Variants in PAM observed in about 807,000 individuals in gnomAD.
PAM encodes peptidyl-glycine alpha-amidating monooxygenase.
Under a neutral mutation model 122.1 loss-of-function variants are expected in PAM, and 72 were observed. The ratio of observed to expected loss-of-function variants is 0.59; its 90% CI spans 0.49 to 0.72. The LOEUF (loss-of-function observed/expected upper bound fraction) is 0.72. Ranked by LOEUF, PAM falls within the 30% of genes least tolerant of loss-of-function variation. The pLI is 0.00. For missense variants in PAM, 1,106 were observed against 1,183.7 expected, an observed-to-expected ratio of 0.93 and a Z score of 0.96; for synonymous variants, 389 against 404.4, an observed-to-expected ratio of 0.96 and a Z score of 0.46.
At chr5:102,929,411 AAC>A (rs1389141911) in intron 7 of PAM, among the ~76,000 whole-genome samples, 9 of 152,344 alleles carry the variant, frequency 5.9e-5, no homozygotes, top group East Asian at 3.9e-4. Flanking sequence ...TATATAAACA[AAC>A]ACACAATTAT....
intron 1 of PAM, among the ~76,000 whole-genome samples, chr5:102,774,254 G>C (rs1363677697): frequency 6.6e-6 from 1 of 152,054 alleles, no homozygotes; most frequent in Non-Finnish European, 1.5e-5. Context: ...GGATCAAATG[G>C]TAGTTCTGCT....
intron 6 of PAM, among the ~76,000 whole-genome samples, chr5:102,925,492 G>C (rs1749109462): frequency 6.6e-6 from 1 of 152,166 alleles, no homozygotes; most frequent in Admixed American, 6.5e-5. Flanking sequence ...TTCAATGTGT[G>C]AGTGTACTAC....
At chr5:102,779,880 C>CATATATATAT (rs1561422931) in intron 1 of PAM, among the ~76,000 whole-genome samples, 1 of 69,312 alleles carries the variant, frequency 1.4e-5, no homozygotes, top group African/African-American at 7.2e-5. Flanking sequence ...AATAAACTCC[C>CATATATATAT]ATATACATAT....
chr5:103,012,000 C>T (rs1288200604), intron 21 of PAM, among the ~76,000 whole-genome samples: 7 of 152,152 alleles, frequency 4.6e-5, no homozygotes, highest in Admixed American at 2.6e-4. Context: ...ATTTGCATTT[C>T]TCTGATGATC....
At chr5:103,031,042 T>G (rs1318864075), downstream of PAM, 1 of 152,184 alleles carries the variant, frequency 6.6e-6, no homozygotes, top group Non-Finnish European at 1.5e-5. Flanking sequence ...GCCTTAATTG[T>G]TGAATGTGTT....
At chr5:102,977,968 A>T (rs746765155) in intron 15 of PAM, among the ~76,000 whole-genome samples, 1 of 152,142 alleles carries the variant, frequency 6.6e-6, no homozygotes, top group Non-Finnish European at 1.5e-5. Context: ...ATACATGCAA[A>T]GTGCTTTGAA....
chr5:102,811,195 T>A (rs1042423570), intron 1 of PAM, among the ~76,000 whole-genome samples: 45 of 152,236 alleles, frequency 3.0e-4, no homozygotes, highest in African/African-American at 9.4e-4. Context: ...GCCACCAACT[T>A]GGTGGCTTAA....
intron 3 of PAM, among the ~76,000 whole-genome samples, chr5:102,899,786 T>C (rs1279292596): frequency 6.6e-6 from 1 of 151,638 alleles, no homozygotes; most frequent in African/African-American, 2.4e-5. Context: ...AACCTAACTT[T>C]GACAAAACAA....
At chr5:102,816,510 A>C (rs1769849190) in intron 1 of PAM, among the ~76,000 whole-genome samples, 1 of 152,118 alleles carries the variant, frequency 6.6e-6, no homozygotes. Context: ...CACTTTTGAG[A>C]ACCCTCCTCT....
chr5:102,979,879 T>C (rs1289286743), intron 15 of PAM, among the ~76,000 whole-genome samples: 2 of 151,982 alleles, frequency 1.3e-5, no homozygotes, highest in Non-Finnish European at 2.9e-5. Flanking sequence ...TTATAATAAA[T>C]GTAAGGACGT....
chr5:102,934,690 T>G (rs1194182619), intron 7 of PAM, among the ~76,000 whole-genome samples: 1 of 152,184 alleles, frequency 6.6e-6, no homozygotes, highest in Middle Eastern at 3.2e-3. Context: ...GGTATTCAAC[T>G]GAATAAATCA....
chr5:102,956,246 C>T (rs942364760), intron 12 of PAM, among the ~76,000 whole-genome samples: 1 of 152,054 alleles, frequency 6.6e-6, no homozygotes. Context: ...ATCAAATTAA[C>T]ACATAATGTA....
In PAM at chr5:102,786,588, T is replaced by C. The variant is rs530548924; in HGVS notation, c.-374+31240T>C. Reference sequence around the variant, plus strand: ...TTTCTAGGAATTAAATTTTGAACCATTCATGGAGAAAATGGAGAAAGGCAT... The same window carrying C: ...TTTCTAGGAATTAAATTTTGAACCACTCATGGAGAAAATGGAGAAAGGCAT... On this transcript the variant is annotated intron_variant, in intron 1 of 25. Transcript: ENST00000438793. Among the ~76,000 whole-genome samples, 66 of 152,240 alleles carry C rather than the reference T, an allele frequency of 4.3e-4. 1 individual carries two copies. The highest frequency in any genetic ancestry group is 1.5e-3 in the African/African-American group (64 of 41,572).
At chr5:102,977,694 A>G (rs1049432383) in intron 15 of PAM, among the ~76,000 whole-genome samples, 1 of 137,712 alleles carries the variant, frequency 7.3e-6, no homozygotes, top group African/African-American at 2.7e-5. Flanking sequence ...ACACACACAC[A>G]CACACAAAAT....
chr5:102,939,349 C>G (rs1393131858), intron 7 of PAM, among the ~76,000 whole-genome samples: 1 of 152,044 alleles, frequency 6.6e-6, no homozygotes, highest in African/African-American at 2.4e-5. Context: ...CATCTGTCCT[C>G]CCCCACACTT....
At chr5:102,911,480 A>G (rs911120533) in intron 4 of PAM, among the ~76,000 whole-genome samples, 6 of 152,024 alleles carry the variant, frequency 3.9e-5, no homozygotes, top group Non-Finnish European at 8.8e-5. Flanking sequence ...CTTAAAATGT[A>G]TGTCAGGAAA....
At chr5:102,907,898 A>G (rs1392585843) in intron 4 of PAM, among the ~76,000 whole-genome samples, 1 of 151,920 alleles carries the variant, frequency 6.6e-6, no homozygotes, top group Non-Finnish European at 1.5e-5. Flanking sequence ...GTAGGTTGCA[A>G]AAATTTTCTC....
intron 7 of PAM, among the ~76,000 whole-genome samples, chr5:102,930,200 G>T (rs780395041): frequency 6.6e-6 from 1 of 152,174 alleles, no homozygotes; most frequent in African/African-American, 2.4e-5. Flanking sequence ...GCCTATACTA[G>T]TGCTGGGTAT....
At chr5:102,912,962 A>G (rs1312463928) in intron 4 of PAM, among the ~76,000 whole-genome samples, 3 of 152,036 alleles carry the variant, frequency 2.0e-5, no homozygotes, top group Non-Finnish European at 4.4e-5. Context: ...TTTGGTGTAG[A>G]ACATTTTTTT....
Sources: gnomAD v4.1 joint callset for allele counts (sites outside exome capture counted in the v4.1 genomes callset) on GRCh38, gnomAD v4.1.1 for gene constraint, MANE v1.5 for transcripts, NCBI Gene and HGNC (gene_info 2026-07-23, HGNC 2026-07-21) for gene names.